The following KNTC1 variants were observed in gnomAD, a reference collection of about 807,000 sequenced individuals.
KNTC1 encodes the protein kinetochore-associated protein 1.
Under a neutral mutation model 314.4 loss-of-function variants are expected in KNTC1, and 253 were observed. That is an observed-to-expected ratio of 0.80 (90% CI 0.73 to 0.89). The LOEUF (loss-of-function observed/expected upper bound fraction) is 0.89, where lower values mean the gene tolerates loss of function less well. KNTC1 is among the 40% of genes least tolerant of loss of function. The probability of loss-of-function intolerance (pLI) is 0.00; values close to 1 mark genes in which losing one functional copy is unlikely to be tolerated. For missense variants in KNTC1, 2,475 were observed against 2,572.9 expected, an observed-to-expected ratio of 0.96 and a Z score of 0.82; for synonymous variants, 901 against 901.4, an observed-to-expected ratio of 1.00 and a Z score of 0.01.
At chr12:122,550,031 C>T (rs977903137) in intron 13 of KNTC1, among the ~76,000 whole-genome samples, 167 bp downstream of exon 13, 1 of 151,758 alleles carries the variant, frequency 6.6e-6, no homozygotes, top group African/African-American at 2.4e-5. Context: ...TAGAGATCCT[C>T]AAATATACTT....
At chr12:122,622,062 AT>A in intron 61 of KNTC1, 92 bp downstream of exon 61, 3 of 873,300 alleles carry the variant, frequency 3.4e-6, no homozygotes, top group Non-Finnish European at 5.5e-6. Context: ...GAAAACTGCT[AT>A]GTCTAGCTGT....
intron 62 of KNTC1, among the ~76,000 whole-genome samples, chr12:122,622,856 G>GAGA (rs1454917753): frequency 1.3e-5 from 2 of 151,894 alleles, no homozygotes; most frequent in African/African-American, 4.8e-5. Flanking sequence ...GATAAGGCAG[G>GAGA]AGAATCTCTT....
At chr12:122,554,059 T>C (rs560286168) in intron 16 of KNTC1, among the ~76,000 whole-genome samples, 7 of 107,808 alleles carry the variant, frequency 6.5e-5, no homozygotes, top group Non-Finnish European at 1.2e-4. Flanking sequence ...TACAGAATAC[T>C]TCCTTAAAAA....
intron 10 of KNTC1, among the ~76,000 whole-genome samples, chr12:122,547,201 A>T (rs573398562): frequency 2.8e-4 from 42 of 151,952 alleles, no homozygotes; most frequent in African/African-American, 8.9e-4. Flanking sequence ...TACTAAAAAT[A>T]CAAAAAATAC....
At chr12:122,534,619 C>A in intron 2 of KNTC1, 45 bp from the exon 3 acceptor site, 4 of 1,538,340 alleles carry the variant, frequency 2.6e-6, no homozygotes, top group Non-Finnish European at 3.5e-6. Context: ...TTATTAAACA[C>A]ATATAAAAAT....
chr12:122,601,072 T>C (rs1871817306), intron 44 of KNTC1, among the ~76,000 whole-genome samples: 1 of 152,128 alleles, frequency 6.6e-6, no homozygotes. Context: ...TTGTAGCTCT[T>C]TATTTTTTTA....
chr12:122,605,199 A>T (rs376139602), intron 50 of KNTC1, 107 bp from the exon 51 acceptor site: 1 of 1,033,008 alleles, frequency 9.7e-7, no homozygotes, highest in East Asian at 2.6e-5. Flanking sequence ...TTATATATGT[A>T]TATACTTATA....
At chr12:122,594,420 TAACA>T in intron 43 of KNTC1, 35 bp downstream of exon 43, 1 of 1,167,742 alleles carries the variant, frequency 8.6e-7, no homozygotes, top group South Asian at 1.3e-5. Flanking sequence ...TTTTTGCTGT[TAACA>T]AACTGGTAAT....
In KNTC1 at chr12:122,603,434, C is replaced by T. The variant is rs115102497; in HGVS notation, c.5101+191C>T. 2.7e-3 allele frequency among the ~76,000 whole-genome samples: 406 copies of T among 152,054 alleles called. 1 individual carries two copies. The highest frequency in any genetic ancestry group is 9.2e-3 in the African/African-American group (381 of 41,498). On this transcript the variant is annotated intron_variant, in intron 48 of 63. Coordinates refer to ENST00000333479, the MANE Select transcript of KNTC1 (RefSeq NM_014708.6). ...CAATTTCCAACTTGTCCTTGTGCCG[C>T]CTTTGGGGTGTGACCTTTGCTAGGA... is the stretch of plus-strand genomic sequence containing the variant.
chr12:122,585,298 T>C (rs1869090569), intron 36 of KNTC1, among the ~76,000 whole-genome samples: 1 of 152,122 alleles, frequency 6.6e-6, no homozygotes, highest in Non-Finnish European at 1.5e-5. Flanking sequence ...CACCTCAGCC[T>C]CTCAAAGTGC....
chr12:122,601,794 A>G, intron 45 of KNTC1, 169 bp downstream of exon 45: 1 of 715,536 alleles, frequency 1.4e-6, no homozygotes, highest in Non-Finnish European at 1.9e-6. Flanking sequence ...AAAGAAAAAG[A>G]TTTTCATGAC....
intron 19 of KNTC1, 121 bp downstream of exon 19, chr12:122,562,095 T>A (rs922912009): frequency 1.1e-6 from 1 of 950,606 alleles, no homozygotes; most frequent in Non-Finnish European, 1.6e-6. Flanking sequence ...ACTTTTCTTA[T>A]CTGCAAAATG....
At chr12:122,577,362 G>A (rs1361081879) in intron 30 of KNTC1, among the ~76,000 whole-genome samples, 1 of 152,000 alleles carries the variant, frequency 6.6e-6, no homozygotes, top group Non-Finnish European at 1.5e-5. Context: ...ATTGTTTGCT[G>A]TCATCAAAAA....
chr12:122,555,060 A>G (rs1458618087), intron 16 of KNTC1, among the ~76,000 whole-genome samples: 1 of 151,782 alleles, frequency 6.6e-6, no homozygotes, highest in African/African-American at 2.4e-5. Context: ...AGACAAACAA[A>G]ATCGACTCTG....
At chr12:122,570,969 G>A (rs1231249709) in intron 23 of KNTC1, 37 bp downstream of exon 23, 1 of 1,591,978 alleles carries the variant, frequency 6.3e-7, no homozygotes, top group East Asian at 2.2e-5. Flanking sequence ...AAGACATTTT[G>A]CACACTCCCA....
At chr12:122,585,115 G>A in intron 36 of KNTC1, 125 bp downstream of exon 36, 1 of 630,484 alleles carries the variant, frequency 1.6e-6, no homozygotes, top group Non-Finnish European at 2.8e-6. Flanking sequence ...AAGGCTTACT[G>A]CAGTCTTGAA....
At position 122,603,193 on chromosome 12, in the gene KNTC1, C is replaced by A. The variant is rs1347724828; in HGVS notation, c.5051C>A (p.Pro1684Gln). 3 of 1,613,132 alleles carry A rather than the reference C, an allele frequency of 1.9e-6. No homozygotes were observed. The Admixed American group carries it at 5.0e-5, about 27-fold the overall frequency. The change falls in exon 48 of 64, where the codon CCA becomes CAA. Residue 1684 changes from proline to glutamine, a missense_variant. Pro to Gln is a moderately conservative substitution (Grantham distance 76). Transcript: ENST00000333479. ...TCCTGCTTACTCTCTATAGTCAACCCAGAGTGGGCTGTAGCTATTGCCATC... is the reference window on the plus strand; with the variant it reads ...TCCTGCTTACTCTCTATAGTCAACCAAGAGTGGGCTGTAGCTATTGCCATC... ...IESCLLSIVN[P>Q]EWAVAIAISL...
Position 122,569,819 on chromosome 12 carries a change from G to A in KNTC1, c.1855G>A (p.Gly619Arg). The A allele has an allele frequency of 6.2e-7, 1 of 1,609,392 alleles. No homozygotes were observed. The highest frequency in any genetic ancestry group is 8.5e-7 in the Non-Finnish European group (1 of 1,178,434). ...IPFVRRTVPE[G>R]QIILAKWLEQ... ...ATTTGTAAGAAGGACTGTGCCTGAA[G>A]GACAGGTGAGTTGTCTTCAGTATTT... The change falls in exon 22 of 64, where the codon GGA becomes AGA. Residue 619 changes from glycine (G) to arginine (R), a missense_variant. By Grantham distance (125) the Gly-to-Arg change is moderately radical (BLOSUM62 -2). Transcript: ENST00000333479.
Position 122,615,006 on chromosome 12 carries a change from A to T in KNTC1, c.5893A>T (p.Thr1965Ser), listed in dbSNP as rs1202718952. The change falls in exon 56 of 64, where the codon ACT (threonine) becomes TCT (serine). Residue 1965 changes from threonine (T) to serine (S), a missense_variant. Coordinates refer to ENST00000333479, the MANE Select transcript of KNTC1 (RefSeq NM_014708.6). ...SHESMAVRLV[T>S]ELCLEYKIYD... ...TTGGCTTCAGGCAGTAAGATTGGTGACTGAGCTGTGTTTAGAATACAAAAT... is the reference window on the plus strand; with the variant it reads ...TTGGCTTCAGGCAGTAAGATTGGTGTCTGAGCTGTGTTTAGAATACAAAAT... 1 of 1,613,082 alleles carries T rather than the reference A, an allele frequency of 6.2e-7. No individual in the cohort carries two copies. The highest frequency in any genetic ancestry group is 1.7e-5 in the Admixed American group (1 of 59,920).
Sources: gnomAD v4.1 joint callset for allele counts (sites outside exome capture counted in the v4.1 genomes callset) on GRCh38, gnomAD v4.1.1 for gene constraint, MANE v1.5 for transcripts, NCBI Gene and HGNC (gene_info 2026-07-23, HGNC 2026-07-21) for gene names.